The following PCDH15 variants were observed in gnomAD, a reference collection of about 807,000 sequenced individuals.
The protein encoded by PCDH15 is protocadherin-15.
A neutral mutation model predicts 178.5 loss-of-function variants in PCDH15; 129 were observed. The observed-to-expected ratio is 0.72, with a 90% CI of 0.63 to 0.84. The LOEUF (loss-of-function observed/expected upper bound fraction) is 0.84. PCDH15 is among the 40% of genes least tolerant of loss of function. The pLI, the probability that PCDH15 is intolerant of heterozygous loss-of-function variation, is 0.00. For missense variants in PCDH15, 2,230 were observed against 2,099.9 expected (o/e 1.06, Z -1.21); for synonymous variants, 800 against 732.0 (o/e 1.09, Z -1.50).
intron 1 of PCDH15, among the ~76,000 whole-genome samples, chr10:55,291,239 C>T (rs749295365): frequency 1.5e-4 from 23 of 152,078 alleles, no homozygotes; most frequent in Non-Finnish European, 2.6e-4. Context: ...CTGAGAAAAG[C>T]GTTAAGCAAC....
At chr10:54,245,107 A>C (rs1452409837) in intron 8 of PCDH15, among the ~76,000 whole-genome samples, 1 of 152,094 alleles carries the variant, frequency 6.6e-6, no homozygotes, top group Non-Finnish European at 1.5e-5. Context: ...CAATCTCTCC[A>C]TATAAGGCCT....
chr10:54,748,357 A>AT (rs1945751015), intron 1 of PCDH15, among the ~76,000 whole-genome samples: 1 of 152,094 alleles, frequency 6.6e-6, no homozygotes, highest in Admixed American at 6.5e-5. Context: ...ATCACCCCTT[A>AT]TCCCCTCCTG....
intron 16 of PCDH15, among the ~76,000 whole-genome samples, chr10:54,081,243 T>A (rs1015416897): frequency 6.6e-6 from 1 of 152,056 alleles, no homozygotes; most frequent in African/African-American, 2.4e-5. Flanking sequence ...ATGTTCAGAA[T>A]TCTTTGAGAC....
At chr10:54,884,281 T>C (rs1029534779) in intron 3 of PCDH15, among the ~76,000 whole-genome samples, 5 of 151,534 alleles carry the variant, frequency 3.3e-5, no homozygotes, top group Non-Finnish European at 7.4e-5. Context: ...GGGGATAATT[T>C]CAAAAGAAAA....
chr10:54,477,140 T>A (rs1172204259), intron 3 of PCDH15, among the ~76,000 whole-genome samples: 2 of 152,168 alleles, frequency 1.3e-5, no homozygotes, highest in Non-Finnish European at 2.9e-5. Context: ...ATGGTTCAGC[T>A]GTAACTTACT....
intron 2 of PCDH15, among the ~76,000 whole-genome samples, chr10:55,137,398 A>G (rs1838222599): frequency 6.6e-6 from 1 of 152,156 alleles, no homozygotes; most frequent in Admixed American, 6.6e-5. Flanking sequence ...AGGCTACACC[A>G]TGTAGCCTAG....
chr10:53,969,251 G>A (rs1229514434), intron 21 of PCDH15, among the ~76,000 whole-genome samples: 1 of 151,972 alleles, frequency 6.6e-6, no homozygotes, highest in African/African-American at 2.4e-5. Context: ...TGGAAGAAAG[G>A]GTATCAGTGA....
chr10:54,713,118 AAC>A (rs369670744), intron 1 of PCDH15, among the ~76,000 whole-genome samples: 281 of 152,142 alleles, frequency 1.8e-3, no homozygotes, highest in Non-Finnish European at 3.1e-3. Context: ...ATAAATCTAG[AAC>A]AGTTATTTCT....
chr10:55,525,527 G>A (rs965849212), intron 2 of PCDH15, among the ~76,000 whole-genome samples: 2 of 151,708 alleles, frequency 1.3e-5, no homozygotes, highest in African/African-American at 4.8e-5. Flanking sequence ...AATATTCATT[G>A]CAATATTCCT....
chr10:54,899,865 T>C (rs1954613155), intron 2 of PCDH15, among the ~76,000 whole-genome samples: 1 of 152,002 alleles, frequency 6.6e-6, no homozygotes, highest in Admixed American at 6.6e-5. Flanking sequence ...TTTTCAAATA[T>C]GTATTTCAGT....
chr10:55,138,904 A>G (rs1838275087), intron 2 of PCDH15, among the ~76,000 whole-genome samples: 3 of 152,082 alleles, frequency 2.0e-5, no homozygotes, highest in Admixed American at 1.3e-4. Flanking sequence ...AACCCAGTAT[A>G]ATGTTGAGAT....
chr10:53,918,620 T>C (rs887495959), intron 25 of PCDH15, among the ~76,000 whole-genome samples: 1 of 152,164 alleles, frequency 6.6e-6, no homozygotes, highest in African/African-American at 2.4e-5. Context: ...TATGGTATTG[T>C]TGAAGGAAGA....
chr10:54,411,913 C>T (rs7895604), intron 3 of PCDH15, among the ~76,000 whole-genome samples: 120,102 of 151,590 alleles, frequency 0.79, 48,331 homozygotes, highest in East Asian at 0.97. Context: ...TTTACTCCTT[C>T]TTACTTCTAC....
At chr10:54,051,909 G>A (rs1001848045) in intron 18 of PCDH15, among the ~76,000 whole-genome samples, 4 of 152,092 alleles carry the variant, frequency 2.6e-5, no homozygotes, top group Non-Finnish European at 5.9e-5. Context: ...AGCTCCAGCC[G>A]TGGCTAAAAG....
At chr10:53,931,247 TA>T (rs1320581583) in intron 25 of PCDH15, among the ~76,000 whole-genome samples, 1 of 152,166 alleles carries the variant, frequency 6.6e-6, no homozygotes, top group Non-Finnish European at 1.5e-5. Flanking sequence ...AAACCACTGT[TA>T]TGAAAAGGCT....
chr10:54,467,719 T>C (rs1198511610), intron 3 of PCDH15, among the ~76,000 whole-genome samples: 1 of 150,712 alleles, frequency 6.6e-6, no homozygotes, highest in East Asian at 2.0e-4. Context: ...TCCCCAAATA[T>C]TTAAAATAAT....
At chr10:54,706,258 ATCTT>A (rs1274068351) in intron 1 of PCDH15, among the ~76,000 whole-genome samples, 31 of 152,160 alleles carry the variant, frequency 2.0e-4, no homozygotes, top group Admixed American at 1.9e-3. Context: ...AAACAAACTG[ATCTT>A]TCTAACTTCC....
At position 55,495,381 on chromosome 10, in the gene PCDH15, C is replaced by T. The variant is rs1840509337; in HGVS notation, c.-156+132244G>A. Among the ~76,000 whole-genome samples, 4 of 151,068 alleles carry T rather than the reference C, an allele frequency of 2.6e-5. No homozygotes were observed. The Admixed American group carries it at 2.7e-4, about 10-fold the overall frequency. On this transcript the variant is annotated intron_variant, in intron 2 of 5. Coordinates refer to the PCDH15 transcript ENST00000613346. ...CTTAAATCTGATAAGGGACTTCTAC[C>T]CAGAATTTACAAAGAATTATCAGAA...
At chr10:54,614,668 C>T (rs771863045) in intron 2 of PCDH15, among the ~76,000 whole-genome samples, 1 of 151,948 alleles carries the variant, frequency 6.6e-6, no homozygotes, top group African/African-American at 2.4e-5. Context: ...GGTCAGGGTG[C>T]TATTGTCATT....
Sources: gnomAD v4.1 joint callset for allele counts (sites outside exome capture counted in the v4.1 genomes callset) on GRCh38, gnomAD v4.1.1 for gene constraint, MANE v1.5 for transcripts, NCBI Gene and HGNC (gene_info 2026-07-23, HGNC 2026-07-21) for gene names.